Variants in STAB2 observed in about 807,000 individuals in gnomAD.
STAB2 encodes the protein stabilin 2.
STAB2 carries 288 observed loss-of-function variants against 338.1 expected under a neutral mutation model. That is an observed-to-expected ratio of 0.85 (90% CI 0.77 to 0.94). The LOEUF (loss-of-function observed/expected upper bound fraction) is 0.94, where lower values mean the gene tolerates loss of function less well. Among genes scored for constraint, STAB2 ranks in the 40% least tolerant of loss-of-function variants. The pLI, the probability that STAB2 is intolerant of heterozygous loss-of-function variation, is 0.00. For synonymous variants in STAB2, 1,202 were observed against 1,193.3 expected, an observed-to-expected ratio of 1.01 and a Z score of -0.15; for missense variants, 3,141 against 3,210.1, an observed-to-expected ratio of 0.98 and a Z score of 0.52.
At chr12:103,713,548 T>G (rs1330876260) in intron 41 of STAB2, 95 bp from the exon 42 acceptor site, 2 of 1,550,164 alleles carry the variant, frequency 1.3e-6, no homozygotes, top group African/African-American at 2.7e-5. Context: ...TCAAGTAGTT[T>G]TGCAGTATGT....
chr12:103,673,670 G>A (rs1450673597), intron 22 of STAB2, among the ~76,000 whole-genome samples: 1 of 152,194 alleles, frequency 6.6e-6, no homozygotes, highest in Non-Finnish European at 1.5e-5. Context: ...CTGAGACCAA[G>A]TTCTTCCCCT....
chr12:103,709,220 A>G lies in STAB2; in HGVS notation c.4288+684A>G, dbSNP rs1224106907. ...GAGAAGGGAATTTCAGGCAGAAAGAAGCACCTGGAATACCACAACGACATG... is the reference window on the plus strand; with the variant it reads ...GAGAAGGGAATTTCAGGCAGAAAGAGGCACCTGGAATACCACAACGACATG... On this transcript the variant is annotated intron_variant, in intron 39 of 68. Transcript: ENST00000388887. 7.2e-5 allele frequency among the ~76,000 whole-genome samples: 11 copies of G among 152,340 alleles called. No homozygotes were observed. In the East Asian group the frequency reaches 2.1e-3, roughly 29 times the overall value.
Position 103,739,572 on chromosome 12 carries a change from T to TGTGC in STAB2, c.5754+105_5754+106insTGCG, listed in dbSNP as rs373686630. On this transcript the variant is annotated intron_variant, in intron 54 of 68. Transcript: ENST00000388887. Reference sequence around the variant, plus strand: ...GTGTGTGTGTGTGTGTGTGTGTGTGTGCCCGTGCACGTATGTTGCATAAAT... The same window carrying TGTGC: ...GTGTGTGTGTGTGTGTGTGTGTGTGTGTGCGCCCGTGCACGTATGTTGCATAAAT... 3.5e-3 allele frequency: 2,594 copies of TGTGC among 734,400 alleles called. 47 individuals are homozygous for TGTGC. In the African/African-American group the frequency reaches 0.037, roughly 10 times the overall value. 45.5% of individuals were successfully genotyped at this position (734,400 alleles called of 1,614,324 possible).
intron 31 of STAB2, among the ~76,000 whole-genome samples, chr12:103,694,548 T>C (rs569263686): frequency 6.6e-6 from 1 of 152,262 alleles, no homozygotes; most frequent in South Asian, 2.1e-4. Flanking sequence ...TTAGACAATA[T>C]GTAAACAAAT....
At position 103,650,497 on chromosome 12, in the gene STAB2, C is replaced by G. The variant is rs1188160220; in HGVS notation, c.1176C>G (p.Asp392Glu). The change falls in exon 11 of 69, where the codon GAC (aspartate) becomes GAG (glutamate). Residue 392 changes from aspartate (D) to glutamate (E), a missense_variant and splice_region_variant. Asp to Glu is a conservative substitution (Grantham distance 45). Coordinates refer to ENST00000388887, the MANE Select transcript of STAB2 (RefSeq NM_017564.10). ...GRLTSFISLL[D>E]KAYAWPLSKL... ...CTTTGTGTTATTTCGACTCCTAAGACAAAGCTTATGCCTGGCCACTGAGTA... is the reference window on the plus strand; with the variant it reads ...CTTTGTGTTATTTCGACTCCTAAGAGAAAGCTTATGCCTGGCCACTGAGTA... The G allele has an allele frequency of 2.5e-6, 4 of 1,612,706 alleles. No homozygotes were observed. The African/African-American group carries it at 5.3e-5, about 22-fold the overall frequency.
At position 103,763,243 on chromosome 12, in the gene STAB2, C is replaced by T. The variant is rs1884673892; in HGVS notation, c.7489-249C>T. The T allele has an allele frequency of 6.2e-6, 3 of 482,488 alleles. No individual in the cohort carries two copies. The Admixed American group carries it at 1.0e-4, about 16-fold the overall frequency. 29.9% of individuals were successfully genotyped at this position (482,488 alleles called of 1,614,324 possible). A position where few individuals can be genotyped will look rare whatever the true frequency, so the allele number is the denominator to read the frequency against. ...GCAGGCTAAGAGCATGTGAACACATCCTGGGGTATGGAAATGCCCTATGTG... is the reference window on the plus strand; with the variant it reads ...GCAGGCTAAGAGCATGTGAACACATTCTGGGGTATGGAAATGCCCTATGTG... On this transcript the variant is annotated intron_variant, in intron 67 of 68. Coordinates refer to ENST00000388887, the MANE Select transcript of STAB2 (RefSeq NM_017564.10).
At chr12:103,641,604 C>T (rs1285768308) in intron 9 of STAB2, among the ~76,000 whole-genome samples, 1 of 152,156 alleles carries the variant, frequency 6.6e-6, no homozygotes, top group Admixed American at 6.5e-5. Flanking sequence ...ATACTGAGAA[C>T]CAAACAAGCT....
chr12:103,751,366 G>A (rs1190927606), intron 60 of STAB2, among the ~76,000 whole-genome samples: 1 of 152,070 alleles, frequency 6.6e-6, no homozygotes, highest in African/African-American at 2.4e-5. Context: ...CTAGTGGCAG[G>A]GTCTGTACTG....
rs1874021982 is a variant in STAB2 at position 103,654,463 on chromosome 12, G to T, written c.1408-92G>T. ...AATCACATTGCCAATAAATATCAAA[G>T]CCCAAGGACTCAAGACTTCTGACTC... On this transcript the variant is annotated intron_variant, in intron 12 of 68. Transcript: ENST00000388887. 8 of 1,336,064 alleles carry T rather than the reference G, an allele frequency of 6.0e-6. No individual in the cohort carries two copies. The South Asian group carries it at 1.1e-4, about 19-fold the overall frequency. 82.8% of individuals were successfully genotyped at this position (1,336,064 alleles called of 1,614,324 possible).
At chr12:103,695,694 G>A in intron 32 of STAB2, 43 bp from the exon 33 acceptor site, 1 of 1,614,130 alleles carries the variant, frequency 6.2e-7, no homozygotes, top group Non-Finnish European at 8.5e-7. Flanking sequence ...AGGTTACCCA[G>A]GAACAGGAAT....
intron 15 of STAB2, among the ~76,000 whole-genome samples, chr12:103,659,295 TACTAACAGGTAACTCCCTTGGC>T (rs2138762798): frequency 6.6e-6 from 1 of 152,346 alleles, no homozygotes; most frequent in Non-Finnish European, 1.5e-5. Context: ...GTGGTCCTGC[TACTAACAGGTAACTCCCTTGGC>T]ACAGTGACCA....
intron 52 of STAB2, among the ~76,000 whole-genome samples, chr12:103,736,231 C>A (rs1374860826): frequency 1.3e-5 from 2 of 152,160 alleles, no homozygotes; most frequent in Non-Finnish European, 2.9e-5. Flanking sequence ...TGCTCTGCAG[C>A]ACACGGTTCA....
At chr12:103,729,581 G>A (rs1881475382) in intron 48 of STAB2, among the ~76,000 whole-genome samples, 1 of 152,196 alleles carries the variant, frequency 6.6e-6, no homozygotes, top group Admixed American at 6.5e-5. Flanking sequence ...GAAAGGTTAA[G>A]TAACTTGTCC....
chr12:103,751,272 A>T (rs1274185366), intron 60 of STAB2, among the ~76,000 whole-genome samples: 1 of 152,196 alleles, frequency 6.6e-6, no homozygotes, highest in Non-Finnish European at 1.5e-5. Flanking sequence ...TCTGCTGGCC[A>T]GGACAGCATG....
chr12:103,606,668 T>C (rs1008275298), intron 3 of STAB2, among the ~76,000 whole-genome samples: 41 of 152,170 alleles, frequency 2.7e-4, no homozygotes, highest in African/African-American at 9.9e-4. Flanking sequence ...TGTTTCCCTG[T>C]CTTTTCAGTT....
intron 63 of STAB2, among the ~76,000 whole-genome samples, chr12:103,757,381 C>T (rs1884210885): frequency 6.6e-6 from 1 of 152,206 alleles, no homozygotes; most frequent in Non-Finnish European, 1.5e-5. Context: ...AGCCACCACA[C>T]CCAGCCTGAT....
At chr12:103,720,399 G>C (rs1375779354) in intron 44 of STAB2, among the ~76,000 whole-genome samples, 1 of 152,180 alleles carries the variant, frequency 6.6e-6, no homozygotes, top group African/African-American at 2.4e-5. Flanking sequence ...TCAACAGGAA[G>C]ACCCAAATCA....
intron 1 of STAB2, among the ~76,000 whole-genome samples, chr12:103,589,649 T>C (rs1956766161): frequency 6.6e-6 from 1 of 151,234 alleles, no homozygotes; most frequent in Non-Finnish European, 1.5e-5. Flanking sequence ...ACAGGAAGAG[T>C]AGAAGTTGAG....
rs752150487 is a variant in STAB2 at position 103,763,590 on chromosome 12, T to C, written c.7587T>C (p.Pro2529=). Residue 2529 remains proline, a synonymous_variant, in exon 68 of 69, where the codon CCT becomes CCC. Coordinates refer to ENST00000388887, the MANE Select transcript of STAB2 (RefSeq NM_017564.10). The stretch of plus-strand genomic sequence containing the variant: ...GCACAACCTCAGCTCCCCCAGAACC[T>C]TCCTACGACCCCTTCACGGTGAGTT... The part of the protein sequence containing the change: ...YESTTSAPPE[P]SYDPFTDSEE... 147 of 1,613,904 alleles carry C rather than the reference T, an allele frequency of 9.1e-5. No homozygotes were observed. Among genetic ancestry groups the C allele is most frequent in the Non-Finnish European group, 1.2e-4 (145 of 1,179,944 alleles).
Sources: allele counts gnomAD v4.1 joint callset (sites outside exome capture counted in the v4.1 genomes callset), GRCh38; gene constraint gnomAD v4.1.1; transcripts MANE v1.5; gene names NCBI Gene and HGNC (gene_info 2026-07-23, HGNC 2026-07-21).